BRD10: variants seen among roughly 807,000 people sequenced by gnomAD.
BRD10 encodes the protein bromodomain containing 10.
the BRD10 span, chr9:5,921,537 C>T: frequency 4.3e-6 from 7 of 1,613,878 alleles, no homozygotes; most frequent in Non-Finnish European, 4.2e-6. Context: ...ATTGCAGTTC[C>T]ATTGCCAGAA....
At chr9:6,003,578 C>G in the BRD10 span, among the ~76,000 whole-genome samples, 1 of 152,026 alleles carries the variant, frequency 6.6e-6, no homozygotes, top group Non-Finnish European at 1.5e-5. Context: ...GTGGTCAAAA[C>G]TGTATTTTTG....
the BRD10 span, among the ~76,000 whole-genome samples, chr9:5,995,278 G>C: frequency 1.3e-5 from 2 of 151,970 alleles, no homozygotes; most frequent in African/African-American, 2.4e-5. Context: ...CAGAGAAAAC[G>C]GCAGTTTTTA....
At chr9:5,918,932 T>A in the BRD10 span, 2 of 152,532 alleles carry the variant, frequency 1.3e-5, no homozygotes, top group African/African-American at 4.8e-5. Flanking sequence ...CACCCTTAAT[T>A]CTTTCTTGTA....
chr9:5,924,525 C>G, the BRD10 span: 1 of 496,416 alleles, frequency 2.0e-6, no homozygotes, highest in Non-Finnish European at 3.4e-6. Flanking sequence ...GATGTGGACA[C>G]TACTTCTTCA....
chr9:5,956,292 G>T, the BRD10 span, among the ~76,000 whole-genome samples: 1 of 152,068 alleles, frequency 6.6e-6, no homozygotes, highest in Non-Finnish European at 1.5e-5. Context: ...AAGCTAAGGT[G>T]GTTACTTGGT....
the BRD10 span, among the ~76,000 whole-genome samples, chr9:5,904,393 ACT>A: frequency 6.6e-6 from 1 of 150,524 alleles, no homozygotes; most frequent in East Asian, 2.0e-4. Context: ...TTTTGTCTTT[ACT>A]CTTTTTCTGC....
At chr9:5,922,372 T>G in the BRD10 span, 1 of 1,614,004 alleles carries the variant, frequency 6.2e-7, no homozygotes, top group Admixed American at 1.7e-5. Context: ...TGGCTTTTCC[T>G]GCCTCACTCT....
chr9:5,953,284 C>G, the BRD10 span, among the ~76,000 whole-genome samples: 1 of 151,934 alleles, frequency 6.6e-6, no homozygotes, highest in Non-Finnish European at 1.5e-5. Context: ...TGAAAATTGA[C>G]TAGACACATG....
the BRD10 span, among the ~76,000 whole-genome samples, chr9:6,003,501 T>C: frequency 6.6e-6 from 1 of 152,194 alleles, no homozygotes. Flanking sequence ...TGAGATCCCT[T>C]CTAAAATATA....
the BRD10 span, among the ~76,000 whole-genome samples, chr9:5,959,144 C>G: frequency 5.3e-5 from 8 of 152,172 alleles, no homozygotes; most frequent in African/African-American, 1.7e-4. Context: ...ATTGCAGCAT[C>G]TCTCTCAAAA....
At chr9:5,952,747 G>C in the BRD10 span, among the ~76,000 whole-genome samples, 1 of 152,304 alleles carries the variant, frequency 6.6e-6, no homozygotes, top group Middle Eastern at 3.4e-3. Flanking sequence ...TTTGAGGACT[G>C]AGAAAAACAA....
At chr9:5,879,849 G>A in the BRD10 span, among the ~76,000 whole-genome samples, 117 of 152,166 alleles carry the variant, frequency 7.7e-4, 2 homozygotes, top group Admixed American at 2.6e-4. Flanking sequence ...CCCATAGCTC[G>A]GATCTCCCTG....
chr9:5,982,499 T>C, the BRD10 span, among the ~76,000 whole-genome samples: 2 of 152,262 alleles, frequency 1.3e-5, no homozygotes, highest in African/African-American at 4.8e-5. Context: ...TGAGGTATCA[T>C]GGGAATGGGG....
the BRD10 span, among the ~76,000 whole-genome samples, chr9:5,883,223 C>T: frequency 2.6e-5 from 4 of 152,100 alleles, no homozygotes; most frequent in African/African-American, 9.7e-5. Context: ...ACATAGTTTG[C>T]TGTGGCACAT....
chr9:5,918,010 T>G, the BRD10 span, among the ~76,000 whole-genome samples: 3 of 152,134 alleles, frequency 2.0e-5, no homozygotes, highest in Non-Finnish European at 4.4e-5. Context: ...AAAAGCTGAG[T>G]AGGTAAATAC....
chr9:5,921,664 A>G, the BRD10 span: 14 of 1,613,826 alleles, frequency 8.7e-6, no homozygotes, highest in East Asian at 2.2e-5. Context: ...TTTTTGTGAT[A>G]TAATCTACTT....
At chr9:5,921,505 T>C in the BRD10 span, 1 of 1,613,946 alleles carries the variant, frequency 6.2e-7, no homozygotes, top group Non-Finnish European at 8.5e-7. Context: ...CACCTGTAGA[T>C]GTCAGCGCAG....
the BRD10 span, chr9:6,007,313 C>T: frequency 6.2e-7 from 1 of 1,613,862 alleles, no homozygotes; most frequent in Non-Finnish European, 8.5e-7. Context: ...CTGAAGTCCG[C>T]CACGAACTCG....
chr9:6,007,088 C>G, the BRD10 span: 1 of 1,147,312 alleles, frequency 8.7e-7, no homozygotes. Context: ...ACCGACTCAG[C>G]ACCTATCAGC....
Sources: gnomAD v4.1 joint callset for allele counts (sites outside exome capture counted in the v4.1 genomes callset) on GRCh38, gnomAD v4.1.1 for gene constraint, MANE v1.5 for transcripts, NCBI Gene and HGNC (gene_info 2026-07-23, HGNC 2026-07-21) for gene names.